FBXW4: variants seen among roughly 807,000 people sequenced by gnomAD.
FBXW4 encodes the protein F-box and WD repeat domain containing 4.
FBXW4 carries 40 observed loss-of-function variants against 61.8 expected under a neutral mutation model. The observed-to-expected ratio is 0.65, with a 90% CI of 0.50 to 0.84. The LOEUF (loss-of-function observed/expected upper bound fraction) is 0.84, where lower values mean the gene tolerates loss of function less well. FBXW4 is among the 40% of genes least tolerant of loss of function. The pLI is 0.00. For synonymous variants in FBXW4, 311 were observed against 313.8 expected, an observed-to-expected ratio of 0.99 and a Z score of 0.10; for missense variants, 672 against 753.8, an observed-to-expected ratio of 0.89 and a Z score of 1.27.
At chr10:101,672,437 C>T (rs947479238) in intron 4 of FBXW4, among the ~76,000 whole-genome samples, 12 of 152,196 alleles carry the variant, frequency 7.9e-5, no homozygotes, top group Admixed American at 5.2e-4. Context: ...CCTCTCTCAT[C>T]GTCTCTGCTG....
chr10:101,662,702 T>C (rs1009083312), intron 5 of FBXW4, among the ~76,000 whole-genome samples: 2 of 152,080 alleles, frequency 1.3e-5, no homozygotes, highest in African/African-American at 4.8e-5. Context: ...GCAATACATA[T>C]GGTGTCTGCA....
intron 5 of FBXW4, among the ~76,000 whole-genome samples, chr10:101,640,395 A>G (rs2064040329): frequency 6.6e-6 from 1 of 151,608 alleles, no homozygotes; most frequent in Admixed American, 6.6e-5. Context: ...TGAATGTTCT[A>G]CTGGAAACCA....
At chr10:101,642,401 TA>T (rs1032354826) in intron 5 of FBXW4, among the ~76,000 whole-genome samples, 9 of 144,424 alleles carry the variant, frequency 6.2e-5, no homozygotes, top group South Asian at 2.2e-4. Context: ...TTTTTTTAAT[TA>T]AAAAAAAAAC....
At chr10:101,672,888 T>C (rs376178360) in intron 4 of FBXW4, 27 bp downstream of exon 4, 22 of 1,612,498 alleles carry the variant, frequency 1.4e-5, no homozygotes, top group African/African-American at 1.3e-4. Context: ...GAGGGAGTAA[T>C]AGTATGTAAG....
At chr10:101,639,586 A>C (rs1242385580) in intron 5 of FBXW4, among the ~76,000 whole-genome samples, 3 of 152,328 alleles carry the variant, frequency 2.0e-5, no homozygotes, top group South Asian at 4.1e-4. Flanking sequence ...ATGTTCTTAC[A>C]TGACTTTCCC....
intron 4 of FBXW4, among the ~76,000 whole-genome samples, chr10:101,671,154 G>T (rs1407581765): frequency 6.6e-6 from 1 of 152,172 alleles, no homozygotes; most frequent in South Asian, 2.1e-4. Context: ...ATGTAGAAAT[G>T]GCTCAGGATA....
chr10:101,661,336 T>C (rs2064242505), intron 5 of FBXW4, among the ~76,000 whole-genome samples: 1 of 152,146 alleles, frequency 6.6e-6, no homozygotes, highest in African/African-American at 2.4e-5. Context: ...CTGCCCTGGG[T>C]AATGGCAGAA....
At chr10:101,648,318 A>G (rs2064117937) in intron 5 of FBXW4, among the ~76,000 whole-genome samples, 1 of 152,132 alleles carries the variant, frequency 6.6e-6, no homozygotes, top group South Asian at 2.1e-4. Context: ...GATGATTGAG[A>G]TTTTCTACCC....
At chr10:101,637,901 C>T (rs2064018475) in intron 5 of FBXW4, among the ~76,000 whole-genome samples, 2 of 152,002 alleles carry the variant, frequency 1.3e-5, no homozygotes, top group Non-Finnish European at 2.9e-5. Context: ...ACTCACTCCC[C>T]AAATTAAATA....
intron 5 of FBXW4, among the ~76,000 whole-genome samples, chr10:101,649,789 C>T (rs2064131139): frequency 6.6e-6 from 1 of 152,224 alleles, no homozygotes; most frequent in Admixed American, 6.5e-5. Flanking sequence ...TCTCAGCGGC[C>T]AGCCTGCATC....
At chr10:101,650,132 T>C (rs1287260688) in intron 5 of FBXW4, among the ~76,000 whole-genome samples, 1 of 152,192 alleles carries the variant, frequency 6.6e-6, no homozygotes, top group Admixed American at 6.5e-5. Flanking sequence ...CACAAGGCTA[T>C]ACTGCAGCAA....
intron 6 of FBXW4, 44 bp downstream of exon 6, chr10:101,624,701 C>T (rs764531313): frequency 2.5e-6 from 4 of 1,608,040 alleles, no homozygotes; most frequent in South Asian, 1.1e-5. Flanking sequence ...AGCTTTCCCT[C>T]ACCTCCTGGA....
At chr10:101,678,641 G>C (rs974827069) in intron 1 of FBXW4, among the ~76,000 whole-genome samples, 1 of 152,078 alleles carries the variant, frequency 6.6e-6, no homozygotes, top group Non-Finnish European at 1.5e-5. Context: ...TGTTAGCCAG[G>C]ATGGTCTCGA....
chr10:101,643,359 G>A (rs548611652), intron 5 of FBXW4, among the ~76,000 whole-genome samples: 93 of 152,354 alleles, frequency 6.1e-4, no homozygotes, highest in African/African-American at 2.1e-3. Context: ...TGGCCCCTGG[G>A]AAGAGAGAGA....
At chr10:101,687,821 T>C (rs2064549659) in intron 1 of FBXW4, among the ~76,000 whole-genome samples, 1 of 152,168 alleles carries the variant, frequency 6.6e-6, no homozygotes, top group African/African-American at 2.4e-5. Context: ...CTAAATGCTC[T>C]TCAATTCTGT....
intron 1 of FBXW4, among the ~76,000 whole-genome samples, chr10:101,681,764 T>C (rs1165094333): frequency 7.0e-6 from 1 of 142,376 alleles, no homozygotes. Flanking sequence ...TAATAACAGG[T>C]CTAAAGATGT....
intron 6 of FBXW4, among the ~76,000 whole-genome samples, chr10:101,623,455 G>A (rs1299034982): frequency 1.3e-5 from 2 of 152,160 alleles, no homozygotes; most frequent in East Asian, 3.8e-4. Flanking sequence ...TGGTGAGGAT[G>A]TGAAGAAATT....
intron 1 of FBXW4, among the ~76,000 whole-genome samples, chr10:101,683,238 T>G (rs2064497734): frequency 2.6e-5 from 4 of 152,214 alleles, no homozygotes; most frequent in Non-Finnish European, 5.9e-5. Flanking sequence ...TAATGTAAAG[T>G]GAGGGTGCTC....
At chr10:101,635,027 G>T (rs1032480858) in intron 5 of FBXW4, among the ~76,000 whole-genome samples, 1 of 149,068 alleles carries the variant, frequency 6.7e-6, no homozygotes, top group African/African-American at 2.5e-5. Flanking sequence ...CAACCAGGAC[G>T]CACAGTAGGA....
Sources: allele counts gnomAD v4.1 joint callset (sites outside exome capture counted in the v4.1 genomes callset), GRCh38; gene constraint gnomAD v4.1.1; transcripts MANE v1.5; gene names NCBI Gene and HGNC (gene_info 2026-07-23, HGNC 2026-07-21).